The following DOCK10 variants were observed in gnomAD, a reference collection of about 807,000 sequenced individuals.
DOCK10 encodes the protein dedicator of cytokinesis 10.
Under a neutral mutation model 280.1 loss-of-function variants are expected in DOCK10, and 145 were observed. The ratio of observed to expected loss-of-function variants is 0.52; its 90% confidence interval spans 0.45 to 0.59. DOCK10 has a LOEUF of 0.59. Ranked by LOEUF, DOCK10 falls within the 20% of genes least tolerant of loss-of-function variation. The probability of loss-of-function intolerance (pLI) is 0.00; values close to 1 mark genes in which losing one functional copy is unlikely to be tolerated. For synonymous variants in DOCK10, 915 were observed against 942.2 expected (o/e 0.97, Z 0.53); for missense variants, 2,368 against 2,651.7 (o/e 0.89, Z 2.35).
chr2:224,950,139 A>G (rs1252586313), intron 1 of DOCK10, among the ~76,000 whole-genome samples: 1 of 152,254 alleles, frequency 6.6e-6, no homozygotes, highest in African/African-American at 2.4e-5. Context: ...CGGTAGCTAC[A>G]TGCAGGCTGG....
At chr2:224,957,292 C>CG (rs71823141) in intron 1 of DOCK10, among the ~76,000 whole-genome samples, 2,507 of 148,558 alleles carry the variant, frequency 0.017, 156 homozygotes, top group African/African-American at 0.058. Context: ...TCCGCCCCCC[C>CG]CCGGCTTTGT....
intron 1 of DOCK10, among the ~76,000 whole-genome samples, chr2:225,028,177 T>G (rs1393960351): frequency 6.6e-6 from 1 of 152,122 alleles, no homozygotes. Flanking sequence ...CTGGATTATC[T>G]AGGTGGCCCA....
At chr2:224,988,399 G>A (rs904994802) in intron 1 of DOCK10, among the ~76,000 whole-genome samples, 1 of 152,202 alleles carries the variant, frequency 6.6e-6, no homozygotes, top group Admixed American at 6.5e-5. Flanking sequence ...ATACCCCTAA[G>A]AAAGCAAGCC....
At chr2:224,821,856 A>G (rs1252203028) in intron 28 of DOCK10, among the ~76,000 whole-genome samples, 2 of 152,174 alleles carry the variant, frequency 1.3e-5, no homozygotes, top group African/African-American at 2.4e-5. Context: ...CCCCCCTTTA[A>G]ACTTTTCCCC....
chr2:224,779,723 C>CT (rs1231469941), intron 50 of DOCK10, among the ~76,000 whole-genome samples: 2 of 152,074 alleles, frequency 1.3e-5, no homozygotes, highest in African/African-American at 4.8e-5. Context: ...CTGTATGATG[C>CT]TTTATACTTC....
intron 1 of DOCK10, among the ~76,000 whole-genome samples, chr2:225,024,269 A>G (rs1268602884): frequency 1.3e-5 from 2 of 152,246 alleles, no homozygotes; most frequent in East Asian, 3.8e-4. Flanking sequence ...AGTAACATTT[A>G]TGGATTACAT....
chr2:224,918,547 T>C (rs1223495003), intron 2 of DOCK10, among the ~76,000 whole-genome samples: 1 of 142,898 alleles, frequency 7.0e-6, no homozygotes, highest in Non-Finnish European at 1.6e-5. Context: ...AATGTGTATA[T>C]GTGTGAGTGT....
chr2:224,821,085 AG>A (rs1415872315), intron 28 of DOCK10, among the ~76,000 whole-genome samples: 5 of 152,240 alleles, frequency 3.3e-5, no homozygotes, highest in Admixed American at 6.5e-5. Context: ...TACTTCACTG[AG>A]AGAATAGTTG....
At chr2:224,799,285 C>T (rs936106972) in intron 41 of DOCK10, among the ~76,000 whole-genome samples, 3 of 152,106 alleles carry the variant, frequency 2.0e-5, no homozygotes, top group African/African-American at 4.8e-5. Context: ...GGTATATACT[C>T]TTTTTAAATT....
intron 28 of DOCK10, among the ~76,000 whole-genome samples, chr2:224,820,663 A>C (rs1694449648): frequency 6.6e-6 from 1 of 152,244 alleles, no homozygotes; most frequent in Admixed American, 6.5e-5. Context: ...AGAGTGGACC[A>C]AGAGCTCTAT....
rs911528953 is a variant in DOCK10 at position 224,826,802 on chromosome 2, C to T, written c.3037-3155G>A. ...ATCTATCTATCTATCATCTATCAAT[C>T]ATCTATATGAAATTAGCTGGGCTTG... On this transcript the variant is annotated intron_variant, in intron 27 of 55. Coordinates refer to ENST00000258390, the MANE Select transcript of DOCK10 (RefSeq NM_014689.3). 3.0e-4 allele frequency among the ~76,000 whole-genome samples: 46 copies of T among 151,222 alleles called. 1 individual carries two copies. The highest frequency in any genetic ancestry group is 1.1e-3 in the Admixed American group (16 of 15,138).
chr2:224,829,184 G>C (rs889659682), intron 27 of DOCK10, among the ~76,000 whole-genome samples: 1 of 152,228 alleles, frequency 6.6e-6, no homozygotes, highest in South Asian at 2.1e-4. Flanking sequence ...GAAATGAAAA[G>C]CATCACCATG....
chr2:225,015,245 C>T (rs1374916169), intron 1 of DOCK10, among the ~76,000 whole-genome samples: 1 of 152,084 alleles, frequency 6.6e-6, no homozygotes, highest in Non-Finnish European at 1.5e-5. Flanking sequence ...ATTCTTTCCA[C>T]AGAAGCTGGA....
At chr2:224,814,815 C>T (rs1245670179) in intron 30 of DOCK10, among the ~76,000 whole-genome samples, 1 of 152,220 alleles carries the variant, frequency 6.6e-6, no homozygotes, top group Non-Finnish European at 1.5e-5. Context: ...AGCCACCACC[C>T]TCAGCCTATT....
At position 224,864,594 on chromosome 2, in the gene DOCK10, T is replaced by G; in HGVS notation, c.1561A>C (p.Ser521Arg). 1.2e-6 allele frequency: 2 copies of G among 1,613,258 alleles called. No homozygotes were observed. The highest frequency in any genetic ancestry group is 1.7e-6 in the Non-Finnish European group (2 of 1,179,724). Residue 521 changes from serine to arginine, a missense_variant, in exon 13 of 56, where the codon AGT becomes CGT. Transcript: ENST00000258390. ...IEKVLMGNIA[S>R]GAEPYIKNPD... ...TTCTTAATATAAGGTTCGGCACCAC[T>G]TGCAATGTTTCCCATCAAGACTTTT...
intron 27 of DOCK10, among the ~76,000 whole-genome samples, chr2:224,826,420 A>G (rs1441969483): frequency 6.6e-6 from 1 of 152,196 alleles, no homozygotes; most frequent in Non-Finnish European, 1.5e-5. Flanking sequence ...TGCACCTTTT[A>G]GAGGACTAAA....
chr2:224,837,724 C>T, intron 25 of DOCK10, 38 bp downstream of exon 25: 1 of 1,561,190 alleles, frequency 6.4e-7, no homozygotes, highest in South Asian at 1.1e-5. Context: ...TCACACAGCA[C>T]AAGGGGATAT....
At chr2:224,849,700 C>A in intron 18 of DOCK10, 101 bp from the exon 19 acceptor site, 1 of 771,260 alleles carries the variant, frequency 1.3e-6, no homozygotes, top group South Asian at 1.7e-5. Flanking sequence ...GGGACAATGG[C>A]AAACTTTGTG....
At chr2:224,909,707 A>G (rs942172220) in intron 3 of DOCK10, among the ~76,000 whole-genome samples, 1 of 152,008 alleles carries the variant, frequency 6.6e-6, no homozygotes, top group Non-Finnish European at 1.5e-5. Context: ...AAAATGAGGT[A>G]GTAATACCTA....
Sources: allele counts gnomAD v4.1 joint callset (sites outside exome capture counted in the v4.1 genomes callset), GRCh38; gene constraint gnomAD v4.1.1; transcripts MANE v1.5; gene names NCBI Gene and HGNC (gene_info 2026-07-23, HGNC 2026-07-21).